Variants in AIF1L observed in about 807,000 individuals in gnomAD.
AIF1L encodes the protein allograft inflammatory factor 1 like, also known as allograft inflammatory factor 1-like.
AIF1L carries 12 observed loss-of-function variants against 20.7 expected under a neutral mutation model. The observed-to-expected ratio is 0.58, with a 90% CI of 0.37 to 0.94. AIF1L has a LOEUF of 0.94. Ranked by LOEUF, AIF1L falls within the 40% of genes least tolerant of loss-of-function variation. AIF1L has a pLI of 0.01. For missense variants in AIF1L, 173 were observed against 185.3 expected, an observed-to-expected ratio of 0.93 and a Z score of 0.39; for synonymous variants, 76 against 65.1, an observed-to-expected ratio of 1.17 and a Z score of -0.81.
rs1159706215 is a variant in AIF1L at position 131,096,624 on chromosome 9, C to T, written c.-6C>T. 2 of 1,484,398 alleles carry T rather than the reference C, an allele frequency of 1.3e-6. No homozygotes were observed. Among genetic ancestry groups the T allele is most frequent in the Admixed American group, 2.3e-5 (1 of 42,696 alleles). The allele number at this position is 1,484,398 out of a possible 1,614,324, so 92.0% of individuals were successfully genotyped here. A position where few individuals can be genotyped will look rare whatever the true frequency, so the allele number is the denominator to read the frequency against. ...GCCTGGAGCCGGCGGGAGCCCCGCG[C>T]TCGCCATGTCGGGCGAGCTCAGCAA... is the stretch of plus-strand genomic sequence containing the variant. On this transcript the variant is annotated 5_prime_UTR_variant, in exon 1 of 6. Coordinates refer to ENST00000247291, the MANE Select transcript of AIF1L (RefSeq NM_031426.4).
At chr9:131,111,173 T>TA (rs33962374) in intron 2 of AIF1L, among the ~76,000 whole-genome samples, 236 of 138,022 alleles carry the variant, frequency 1.7e-3, no homozygotes, top group African/African-American at 5.2e-3. Flanking sequence ...CAAGACTTCT[T>TA]AAAAAAAAAA....
intron 2 of AIF1L, 192 bp from the exon 3 acceptor site, chr9:131,111,405 C>T: frequency 1.6e-6 from 1 of 607,856 alleles, no homozygotes; most frequent in Admixed American, 2.7e-5. Context: ...GCTGGGCAAA[C>T]TTCCTACCCA....
rs353526 is a variant in AIF1L at position 131,111,593 on chromosome 9, G to A, written c.94-4G>A. 1 of 1,613,640 alleles carries A rather than the reference G, an allele frequency of 6.2e-7. No homozygotes were observed. The highest frequency in any genetic ancestry group is 8.5e-7 in the Non-Finnish European group (1 of 1,179,666). On this transcript the variant is annotated splice_polypyrimidine_tract_variant and splice_region_variant and intron_variant, in intron 2 of 5. Transcript: ENST00000247291. ...TGCTCAGCACTGTCCTCTCACCTCT[G>A]TAGGAGTTTCTGTGTGACCAGAAGT...
intron 2 of AIF1L, chr9:131,106,234 A>G: frequency 6.5e-7 from 1 of 1,535,942 alleles, no homozygotes; most frequent in Non-Finnish European, 8.7e-7. Flanking sequence ...TCATGTTCCC[A>G]GCACAGCTGC....
chr9:131,105,675 T>C (rs908101699), intron 2 of AIF1L, among the ~76,000 whole-genome samples: 1 of 151,874 alleles, frequency 6.6e-6, no homozygotes, highest in Non-Finnish European at 1.5e-5. Flanking sequence ...TAAGGAAAAA[T>C]AGGATTCCAA....
Position 131,122,275 on chromosome 9 carries a change from A to C in AIF1L, c.*1953A>C, listed in dbSNP as rs764530929. 6.6e-6 allele frequency: 1 copy of C among 152,624 alleles called. No homozygotes were observed. Among genetic ancestry groups the C allele is most frequent in the African/African-American group, 2.4e-5 (1 of 41,432 alleles). 9.5% of individuals were successfully genotyped at this position (152,624 alleles called of 1,614,324 possible). A position where few individuals can be genotyped will look rare whatever the true frequency, so the allele number is the denominator to read the frequency against. The stretch of plus-strand genomic sequence containing the variant: ...ATTGAGGGAGGAAAACAGGTAAGGC[A>C]TGAGGAAATGGCCAGGTTGGGTTAA... On this transcript the variant is annotated 3_prime_UTR_variant, in exon 6 of 6. Transcript: ENST00000247291.
intron 3 of AIF1L, chr9:131,113,996 T>A (rs1830951188): frequency 6.4e-6 from 1 of 156,814 alleles, no homozygotes; most frequent in Non-Finnish European, 1.4e-5. Context: ...GACTCCTTGA[T>A]CAGGGAAGTA....
At chr9:131,100,772 CAG>C (rs776406696) in intron 2 of AIF1L, among the ~76,000 whole-genome samples, 6 of 152,340 alleles carry the variant, frequency 3.9e-5, no homozygotes, top group South Asian at 4.1e-4. Flanking sequence ...CCCACAGGGA[CAG>C]AGAGAAGCAG....
In AIF1L at chr9:131,121,064, C is replaced by G. The variant is rs1376341590; in HGVS notation, c.*742C>G. The G allele has an allele frequency of 7.2e-6, 5 of 693,614 alleles. No individual in the cohort carries two copies. The highest frequency in any genetic ancestry group is 1.3e-5 in the Non-Finnish European group (5 of 376,032). The allele number at this position is 693,614 out of a possible 1,614,324, so 43.0% of individuals were successfully genotyped here. The stretch of plus-strand genomic sequence containing the variant: ...AGGGCTTCGGAGGCAGAAGTGAGGC[C>G]TGGGGTTTTGGGGGAAAGGTCAGCT... On this transcript the variant is annotated 3_prime_UTR_variant, in exon 6 of 6. Coordinates refer to ENST00000247291, the MANE Select transcript of AIF1L (RefSeq NM_031426.4).
chr9:131,118,454 A>T (rs918126795), intron 5 of AIF1L, among the ~76,000 whole-genome samples: 65 of 151,932 alleles, frequency 4.3e-4, no homozygotes, highest in Admixed American at 5.2e-4. Context: ...GTCAGGCAGA[A>T]TCAGTACTCA....
intron 2 of AIF1L, among the ~76,000 whole-genome samples, chr9:131,097,323 G>T (rs1015664347): frequency 6.6e-6 from 1 of 152,210 alleles, no homozygotes; most frequent in Non-Finnish European, 1.5e-5. Context: ...GGATTCAAAC[G>T]GTCCTCCCTC....
At chr9:131,105,794 G>GTCCA (rs911614856) in intron 2 of AIF1L, among the ~76,000 whole-genome samples, 3 of 150,574 alleles carry the variant, frequency 2.0e-5, no homozygotes, top group Non-Finnish European at 4.4e-5. Flanking sequence ...TGGCAGGCCT[G>GTCCA]TCCATTCATT....
At chr9:131,104,754 C>T (rs998937774) in intron 2 of AIF1L, among the ~76,000 whole-genome samples, 3 of 152,044 alleles carry the variant, frequency 2.0e-5, no homozygotes, top group African/African-American at 4.8e-5. Context: ...ATTTGCTGGC[C>T]GGGTGCGGTG....
intron 3 of AIF1L, among the ~76,000 whole-genome samples, chr9:131,113,532 A>G (rs926234663): frequency 6.7e-6 from 1 of 148,814 alleles, no homozygotes; most frequent in African/African-American, 2.5e-5. Flanking sequence ...CATAATGGTT[A>G]AGAACGGGGG....
chr9:131,113,058 C>G (rs1277795055), intron 3 of AIF1L, among the ~76,000 whole-genome samples: 1 of 152,104 alleles, frequency 6.6e-6, no homozygotes, highest in Non-Finnish European at 1.5e-5. Flanking sequence ...AGCCTGTGTT[C>G]TCGCTCGGGG....
In AIF1L at chr9:131,120,280, A is replaced by C; in HGVS notation, c.411A>C (p.Pro137=). 6.2e-7 allele frequency: 1 copy of C among 1,613,476 alleles called. No individual in the cohort carries two copies. Among genetic ancestry groups the C allele is most frequent in the South Asian group, 1.1e-5 (1 of 91,032 alleles). Residue 137 remains proline (P), a synonymous_variant, in exon 6 of 6, where the codon CCA becomes CCC. Coordinates refer to ENST00000247291, the MANE Select transcript of AIF1L (RefSeq NM_031426.4). ...EGKANESSPK[P]VGPPPERDIA... ...AAGCCAACGAGAGCAGCCCCAAGCC[A>C]GTTGGCCCCCCTCCAGAGAGAGACA...
Position 131,096,800 on chromosome 9 carries a change from A to T in AIF1L, c.32-2A>T. ...CCCAGGCCGCCTCTTTGTCTCCTCC[A>T]GGAGGGAAGGCGTTCGGCTTGCTCA... is the stretch of plus-strand genomic sequence containing the variant. On this transcript the variant is annotated splice_acceptor_variant, in intron 1 of 5. Coordinates refer to ENST00000247291, the MANE Select transcript of AIF1L (RefSeq NM_031426.4). LOFTEE classifies it high-confidence loss of function. 6.5e-7 allele frequency: 1 copy of T among 1,533,312 alleles called. No individual in the cohort carries two copies. Among genetic ancestry groups the T allele is most frequent in the Non-Finnish European group, 8.8e-7 (1 of 1,141,530 alleles). The allele number at this position is 1,533,312 out of a possible 1,614,324, so 95.0% of individuals were successfully genotyped here. A position where few individuals can be genotyped will look rare whatever the true frequency, so the allele number is the denominator to read the frequency against.
intron 4 of AIF1L, among the ~76,000 whole-genome samples, chr9:131,115,428 TGACA>T (rs1830987357): frequency 9.2e-6 from 1 of 108,392 alleles, no homozygotes; most frequent in African/African-American, 3.7e-5. Flanking sequence ...CCAGCCTGGG[TGACA>T]GAGCGAGATT....
At chr9:131,099,958 C>G (rs1830602053) in intron 2 of AIF1L, among the ~76,000 whole-genome samples, 1 of 152,028 alleles carries the variant, frequency 6.6e-6, no homozygotes. Flanking sequence ...AACTCCTGAC[C>G]TCAGGTGATC....
Sources: allele counts gnomAD v4.1 joint callset (sites outside exome capture counted in the v4.1 genomes callset), GRCh38; gene constraint gnomAD v4.1.1; transcripts MANE v1.5; gene names NCBI Gene and HGNC (gene_info 2026-07-23, HGNC 2026-07-21).